The following PAK1 variants were observed in gnomAD, a reference collection of about 807,000 sequenced individuals.
The protein encoded by PAK1 is serine/threonine-protein kinase PAK 1.
PAK1 carries 29 observed loss-of-function variants against 67.4 expected under a neutral mutation model. The observed-to-expected ratio is 0.43, with a 90% CI of 0.32 to 0.59. The LOEUF is 0.59. PAK1 is among the 20% of genes least tolerant of loss of function. The pLI, the probability that PAK1 is intolerant of heterozygous loss-of-function variation, is 0.07. For missense variants in PAK1, 337 were observed against 670.7 expected, an observed-to-expected ratio of 0.50 and a Z score of 5.50; for synonymous variants, 223 against 237.4, an observed-to-expected ratio of 0.94 and a Z score of 0.56.
At chr11:77,368,868 AAT>A (rs1311834849) in intron 5 of PAK1, among the ~76,000 whole-genome samples, 1 of 152,226 alleles carries the variant, frequency 6.6e-6, no homozygotes, top group East Asian at 1.9e-4. Context: ...GGCCGGTAAA[AAT>A]ACTTTTAAGT....
chr11:77,357,296 G>C (rs531088575), intron 6 of PAK1, among the ~76,000 whole-genome samples: 48 of 152,218 alleles, frequency 3.2e-4, no homozygotes, highest in African/African-American at 1.1e-3. Flanking sequence ...GCTTTTAATA[G>C]GTGGAAATGG....
At chr11:77,451,102 A>C (rs747159079) in intron 1 of PAK1, among the ~76,000 whole-genome samples, 8 of 152,240 alleles carry the variant, frequency 5.3e-5, no homozygotes, top group Non-Finnish European at 1.2e-4. Context: ...TTCTGAGAAT[A>C]TCTCAAACAT....
intron 1 of PAK1, among the ~76,000 whole-genome samples, chr11:77,422,105 A>G (rs1218524527): frequency 6.6e-6 from 1 of 152,228 alleles, no homozygotes; most frequent in East Asian, 1.9e-4. Context: ...AGTATTTGAT[A>G]GTATTTATTT....
chr11:77,344,551 T>C (rs906627024), intron 9 of PAK1, among the ~76,000 whole-genome samples: 6 of 152,218 alleles, frequency 3.9e-5, no homozygotes, highest in African/African-American at 1.4e-4. Flanking sequence ...TGGTATCAAT[T>C]CCTTCTATGT....
chr11:77,441,811 C>T (rs1261360151), intron 1 of PAK1, among the ~76,000 whole-genome samples: 1 of 152,174 alleles, frequency 6.6e-6, no homozygotes, highest in Non-Finnish European at 1.5e-5. Context: ...ATTGGAGATG[C>T]ACAGTTTCAT....
chr11:77,398,060 A>T (rs1012711449), intron 1 of PAK1, among the ~76,000 whole-genome samples: 5 of 152,240 alleles, frequency 3.3e-5, no homozygotes, highest in Non-Finnish European at 7.3e-5. Context: ...CAAAATAATC[A>T]TATCATGGAG....
chr11:77,340,420 T>A (rs918098314), intron 11 of PAK1, among the ~76,000 whole-genome samples: 1 of 152,216 alleles, frequency 6.6e-6, no homozygotes, highest in East Asian at 1.9e-4. Flanking sequence ...TACTTTCTAG[T>A]ACTTTATAAT....
chr11:77,434,124 A>G (rs1267315108), intron 1 of PAK1, among the ~76,000 whole-genome samples: 2 of 152,238 alleles, frequency 1.3e-5, no homozygotes, highest in Non-Finnish European at 2.9e-5. Flanking sequence ...TGACCCTGCA[A>G]TTCTACTCCT....
intron 2 of PAK1, among the ~76,000 whole-genome samples, chr11:77,390,856 G>C (rs193059086): frequency 6.6e-6 from 1 of 152,050 alleles, no homozygotes; most frequent in African/African-American, 2.4e-5. Context: ...GAAGTAGAAG[G>C]ACTCATACAC....
At chr11:77,369,469 A>C (rs1231050067) in intron 5 of PAK1, among the ~76,000 whole-genome samples, 1 of 89,662 alleles carries the variant, frequency 1.1e-5, no homozygotes, top group Non-Finnish European at 2.1e-5. Flanking sequence ...TTTTTTTGAG[A>C]TGGAGTCTCG....
chr11:77,467,504 A>G (rs1031558612), intron 1 of PAK1, among the ~76,000 whole-genome samples: 1 of 152,232 alleles, frequency 6.6e-6, no homozygotes, highest in Non-Finnish European at 1.5e-5. Context: ...TACTTTTCAT[A>G]TAATACTTAC....
At chr11:77,457,576 A>C (rs73496868) in intron 1 of PAK1, among the ~76,000 whole-genome samples, 4,390 of 152,262 alleles carry the variant, frequency 0.029, 199 homozygotes, top group African/African-American at 0.099. Flanking sequence ...CACAGAGAAC[A>C]AAGGGAGAGG....
At chr11:77,433,956 CCACT>C (rs1329244800) in intron 1 of PAK1, among the ~76,000 whole-genome samples, 3 of 151,888 alleles carry the variant, frequency 2.0e-5, no homozygotes, top group African/African-American at 7.3e-5. Flanking sequence ...CATTTCACAC[CCACT>C]AAGATGCCTA....
intron 13 of PAK1, among the ~76,000 whole-genome samples, chr11:77,335,001 C>A (rs1019166642): frequency 6.6e-6 from 1 of 152,148 alleles, no homozygotes; most frequent in Non-Finnish European, 1.5e-5. Flanking sequence ...ACCTATCAAT[C>A]ACATTTGACA....
At chr11:77,353,634 C>T in intron 7 of PAK1, 35 bp from the exon 8 acceptor site, 1 of 1,544,926 alleles carries the variant, frequency 6.5e-7, no homozygotes, top group Non-Finnish European at 8.9e-7. Context: ...ATCATTTTTT[C>T]CCAAATCAAG....
the PAK1 span, among the ~76,000 whole-genome samples, chr11:77,522,106 A>G: frequency 9.2e-5 from 14 of 152,256 alleles, no homozygotes; most frequent in Non-Finnish European, 1.8e-4. Context: ...AGCAAGAATA[A>G]TTATTTCTAC....
At chr11:77,373,646 C>T (rs1489164001) in intron 5 of PAK1, among the ~76,000 whole-genome samples, 2 of 139,684 alleles carry the variant, frequency 1.4e-5, no homozygotes, top group Non-Finnish European at 3.3e-5. Flanking sequence ...ACATCAACAT[C>T]ACATTTTATC....
chr11:77,510,810 C>T, the PAK1 span, among the ~76,000 whole-genome samples: 1 of 152,170 alleles, frequency 6.6e-6, no homozygotes, highest in Admixed American at 6.5e-5. Context: ...TTTGTGGATG[C>T]ATCATCTTTA....
Position 77,469,381 on chromosome 11 carries a change from T to C in PAK1, c.-22+4171A>G, listed in dbSNP as rs139399871. On this transcript the variant is annotated intron_variant, in intron 1 of 14. Transcript: ENST00000356341. ...CATATAGGGCCTGGTACAGAACAGG[T>C]ATTCAGTAACATAAGCCATTTTTAG... 3.2e-4 allele frequency among the ~76,000 whole-genome samples: 49 copies of C among 152,290 alleles called. No individual in the cohort carries two copies. In the East Asian group the frequency reaches 8.7e-3, roughly 27 times the overall value.
Sources: gnomAD v4.1 joint callset for allele counts (sites outside exome capture counted in the v4.1 genomes callset) on GRCh38, gnomAD v4.1.1 for gene constraint, MANE v1.5 for transcripts, NCBI Gene and HGNC (gene_info 2026-07-23, HGNC 2026-07-21) for gene names.